Variants in SEC23B observed in about 807,000 individuals in gnomAD.
SEC23B encodes the protein protein transport protein Sec23B.
In SEC23B, 77 loss-of-function variants were observed where a neutral mutation model predicts 104.3. That is an observed-to-expected ratio of 0.74 (90% CI 0.61 to 0.89). The LOEUF (loss-of-function observed/expected upper bound fraction) is 0.89. Among genes scored for constraint, SEC23B ranks in the 40% least tolerant of loss-of-function variants. The pLI, the probability that SEC23B is intolerant of heterozygous loss-of-function variation, is 0.00. For missense variants in SEC23B, 885 were observed against 949.4 expected (o/e 0.93, Z 0.89); for synonymous variants, 338 against 332.5 (o/e 1.02, Z -0.18).
chr20:18,556,814 G>A (rs904806329), intron 19 of SEC23B, among the ~76,000 whole-genome samples: 1 of 152,232 alleles, frequency 6.6e-6, no homozygotes, highest in East Asian at 1.9e-4. Flanking sequence ...TAGCCAACAC[G>A]GTGAAACCCC....
At chr20:18,545,729 A>G (rs1356084679) in intron 14 of SEC23B, among the ~76,000 whole-genome samples, 1 of 152,176 alleles carries the variant, frequency 6.6e-6, no homozygotes, top group Non-Finnish European at 1.5e-5. Flanking sequence ...AGCTGATTAG[A>G]GATGCAGAAT....
chr20:18,509,091 C>T (rs1380521110), intron 1 of SEC23B, among the ~76,000 whole-genome samples: 1 of 152,228 alleles, frequency 6.6e-6, no homozygotes, highest in African/African-American at 2.4e-5. Context: ...GACATACTTG[C>T]TGAGAGTTGT....
In SEC23B at chr20:18,525,857, A is replaced by G; in HGVS notation, c.759A>G (p.Pro253=). The G allele has an allele frequency of 2.5e-6, 4 of 1,614,152 alleles. No homozygotes were observed. Among genetic ancestry groups the G allele is most frequent in the South Asian group, 1.1e-5 (1 of 91,082 alleles). Residue 253 remains proline (P), a synonymous_variant, in exon 7 of 20, where the codon CCA becomes CCG. Transcript: ENST00000650089. ...TDLLGELQRD[P]WPVTQGKRPL... ...TTCTTGGGGAGCTACAGAGGGACCC[A>G]TGGCCAGTAACTCAGGGGAAGAGAC...
chr20:18,557,805 T>G (rs1323523502), intron 19 of SEC23B, among the ~76,000 whole-genome samples: 4 of 148,088 alleles, frequency 2.7e-5, no homozygotes, highest in African/African-American at 7.5e-5. Flanking sequence ...CAGGCTGGAG[T>G]GCAATGGTGT....
chr20:18,530,960 A>G (rs2060181933), intron 10 of SEC23B, among the ~76,000 whole-genome samples, 157 bp downstream of exon 10: 1 of 152,188 alleles, frequency 6.6e-6, no homozygotes, highest in African/African-American at 2.4e-5. Context: ...TAAAACTTCA[A>G]TGAAATTATA....
At position 18,560,733 on chromosome 20, in the gene SEC23B, C is replaced by T. The variant is rs1600289173; in HGVS notation, c.2297C>T (p.Ala766Val). Residue 766 changes from alanine (A) to valine (V), a missense_variant, in exon 20 of 20, where the codon GCC (alanine) becomes GTC (valine). Coordinates refer to ENST00000650089, the MANE Select transcript of SEC23B (RefSeq NM_006363.6). ...DHLKKLAVSS[A>V]C Reference sequence around the variant, plus strand: ...TTGAAGAAGCTGGCTGTCTCCAGTGCCTGTTAAGCTGAGGATACAACCAGG... The same window carrying T: ...TTGAAGAAGCTGGCTGTCTCCAGTGTCTGTTAAGCTGAGGATACAACCAGG... 6.2e-7 allele frequency: 1 copy of T among 1,612,426 alleles called. No homozygotes were observed.
rs760835514 is a variant in SEC23B at position 18,548,748 on chromosome 20, A to T, written c.1883A>T (p.Tyr628Phe). 4.3e-6 allele frequency: 7 copies of T among 1,613,628 alleles called. No homozygotes were observed. Among genetic ancestry groups the T allele is most frequent in the Non-Finnish European group, 5.9e-6 (7 of 1,179,916 alleles). ...ATGATCCAGCCCATTCTCTACTCTT[A>T]CTCCTTTCATGGGCCACCAGAGGTG... ...LIMIQPILYS[Y>F]SFHGPPEPVL... The change falls in exon 16 of 20, where the codon TAC becomes TTC. Residue 628 changes from tyrosine to phenylalanine, a missense_variant. Physicochemically the swap from Tyr to Phe is conservative, Grantham distance 22. Coordinates refer to ENST00000650089, the MANE Select transcript of SEC23B (RefSeq NM_006363.6).
At chr20:18,523,275 C>T (rs1399671878) in intron 4 of SEC23B, among the ~76,000 whole-genome samples, 1 of 152,098 alleles carries the variant, frequency 6.6e-6, no homozygotes, top group Non-Finnish European at 1.5e-5. Flanking sequence ...AGGACCTCTG[C>T]TGTAGCTTTT....
chr20:18,533,373 G>A (rs908613611), intron 11 of SEC23B, among the ~76,000 whole-genome samples: 2 of 152,178 alleles, frequency 1.3e-5, no homozygotes, highest in Non-Finnish European at 2.9e-5. Context: ...GTGGTCCTGG[G>A]CTGGGGTTAC....
In SEC23B at chr20:18,537,488, G is replaced by A. The variant is rs112527667; in HGVS notation, c.1404+1746G>A. Among the ~76,000 whole-genome samples, 1,213 of 151,998 alleles carry A rather than the reference G, an allele frequency of 8.0e-3. 8 individuals are homozygous for A. Among genetic ancestry groups the A allele is most frequent in the Middle Eastern group, 0.014 (4 of 294 alleles). On this transcript the variant is annotated intron_variant, in intron 12 of 19. Transcript: ENST00000650089. ...CATCATTCTCAGTAAACTATCGCAA[G>A]GACAAAAAAACACCGCATGTTCTCA... is the stretch of plus-strand genomic sequence containing the variant.
At position 18,532,670 on chromosome 20, in the gene SEC23B, C is replaced by T. The variant is rs769106269; in HGVS notation, c.1240C>T (p.Arg414Trp). Residue 414 changes from arginine (R) to tryptophan (W), a missense_variant, in exon 11 of 20, where the codon CGG becomes TGG. Coordinates refer to ENST00000650089, the MANE Select transcript of SEC23B (RefSeq NM_006363.6). The part of the protein sequence containing the change: ...FGATLDVKTS[R>W]ELKIAGAIGP... ...TGTCACATATTTGTTATAGACCTCT[C>T]GGGAACTGAAGATTGCAGGAGCCAT... 10 of 1,612,058 alleles carry T rather than the reference C, an allele frequency of 6.2e-6. No individual in the cohort carries two copies. Among genetic ancestry groups the T allele is most frequent in the Non-Finnish European group, 8.5e-6 (10 of 1,178,274 alleles).
chr20:18,508,642 CAGGCAGTA>C (rs896034165), intron 1 of SEC23B, among the ~76,000 whole-genome samples: 52 of 150,690 alleles, frequency 3.5e-4, no homozygotes, highest in African/African-American at 1.2e-3. Flanking sequence ...GTGAGGGAAA[CAGGCAGTA>C]GGAAAAGGAG....
intron 16 of SEC23B, among the ~76,000 whole-genome samples, chr20:18,550,250 G>T (rs1184065475): frequency 6.6e-6 from 1 of 151,878 alleles, no homozygotes; most frequent in African/African-American, 2.4e-5. Context: ...CGCCTTCCAG[G>T]TTCAGGTGAT....
At chr20:18,515,929 A>C in intron 4 of SEC23B, 193 bp downstream of exon 4, 2 of 601,876 alleles carry the variant, frequency 3.3e-6, no homozygotes, top group Non-Finnish European at 3.0e-6. Context: ...AGGCTACTAA[A>C]AAGGTAGAAC....
At chr20:18,524,756 C>A in intron 5 of SEC23B, 87 bp downstream of exon 5, 2 of 1,287,996 alleles carry the variant, frequency 1.6e-6, no homozygotes, top group Non-Finnish European at 2.2e-6. Context: ...GTAGCCCAGG[C>A]TGGAGTTCAG....
At chr20:18,512,646 T>C (rs550344244) in intron 3 of SEC23B, among the ~76,000 whole-genome samples, 9 of 152,346 alleles carry the variant, frequency 5.9e-5, no homozygotes, top group African/African-American at 1.7e-4. Flanking sequence ...CATTTTCTGA[T>C]CTTTCTAACT....
intron 12 of SEC23B, among the ~76,000 whole-genome samples, chr20:18,538,857 A>G (rs1488248669): frequency 1.3e-5 from 2 of 152,142 alleles, no homozygotes; most frequent in African/African-American, 2.4e-5. Flanking sequence ...AAGTTTTATC[A>G]TGAAATTGTA....
rs768710093 is a variant in SEC23B at position 18,542,313 on chromosome 20, C to T, written c.1422C>T (p.Pro474=). 1.2e-6 allele frequency: 2 copies of T among 1,614,170 alleles called. No homozygotes were observed. The highest frequency in any genetic ancestry group is 1.7e-6 in the Non-Finnish European group (2 of 1,180,040). ...EVVNQHNTPI[P]QGGRGAIQFV... is the part of the protein sequence containing the mutation. ...TCCTACAGCACAACACCCCGATCCCCCAAGGAGGCAGAGGAGCCATCCAGT... is the reference window on the plus strand; with the variant it reads ...TCCTACAGCACAACACCCCGATCCCTCAAGGAGGCAGAGGAGCCATCCAGT... Residue 474 remains proline (P), a synonymous_variant, in exon 13 of 20, where the codon CCC becomes CCT. Transcript: ENST00000650089.
chr20:18,516,645 G>A (rs1225932717), intron 4 of SEC23B, among the ~76,000 whole-genome samples: 10 of 150,402 alleles, frequency 6.6e-5, no homozygotes, highest in African/African-American at 2.2e-4. Flanking sequence ...TCTGCCTCTC[G>A]GGTTCACGCC....
Sources: gnomAD v4.1 joint callset for allele counts (sites outside exome capture counted in the v4.1 genomes callset) on GRCh38, gnomAD v4.1.1 for gene constraint, MANE v1.5 for transcripts, NCBI Gene and HGNC (gene_info 2026-07-23, HGNC 2026-07-21) for gene names.